Variants in PPARD observed in about 807,000 individuals in gnomAD.
PPARD encodes the protein peroxisome proliferator-activated receptor delta.
PPARD carries 6 observed loss-of-function variants against 39.5 expected under a neutral mutation model. The observed-to-expected ratio is 0.15, with a 90% CI of 0.08 to 0.30. The LOEUF (loss-of-function observed/expected upper bound fraction) is 0.30. PPARD is among the 10% of genes least tolerant of loss of function. The probability of loss-of-function intolerance (pLI) is 1.00; values close to 1 mark genes in which losing one functional copy is unlikely to be tolerated. For synonymous variants in PPARD, 210 were observed against 231.3 expected, an observed-to-expected ratio of 0.91 and a Z score of 0.83; for missense variants, 397 against 596.8, an observed-to-expected ratio of 0.67 and a Z score of 3.49.
In PPARD at chr6:35,366,836, C is replaced by T. The variant is rs1418283671; in HGVS notation, c.-102+19686C>T. Among the ~76,000 whole-genome samples, 4 of 152,188 alleles carry T rather than the reference C, an allele frequency of 2.6e-5. No homozygotes were observed. Among genetic ancestry groups the T allele is most frequent in the African/African-American group, 7.2e-5 (3 of 41,434 alleles). ...AAGTGCTGGGATTATGGGCGTGAGCCGCTGCATCCGGCCTCTGTATTAAAT... is the reference window on the plus strand; with the variant it reads ...AAGTGCTGGGATTATGGGCGTGAGCTGCTGCATCCGGCCTCTGTATTAAAT... On this transcript the variant is annotated intron_variant, in intron 2 of 7. Transcript: ENST00000360694. The surrounding 1 kb of genome is among the most constrained non-coding windows in gnomAD (Gnocchi z 4.6).
intron 2 of PPARD, among the ~76,000 whole-genome samples, chr6:35,354,662 A>G (rs1390579629): frequency 1.3e-5 from 2 of 152,166 alleles, no homozygotes. Flanking sequence ...GATATTCAAA[A>G]TTGTAACATA....
In PPARD at chr6:35,366,693, G is replaced by GCGT. The variant is rs1353813897; in HGVS notation, c.-102+19544_-102+19546dup. 3.3e-5 allele frequency among the ~76,000 whole-genome samples: 5 copies of GCGT among 152,062 alleles called. No individual in the cohort carries two copies. The highest frequency in any genetic ancestry group is 5.9e-5 in the Non-Finnish European group (4 of 68,020). ...GCCTCCTTAGTGGCTGTGACTACAGGCGTGTACCACCATGCCTGGCTAATT... is the reference window on the plus strand; with the variant it reads ...GCCTCCTTAGTGGCTGTGACTACAGGCGTCGTGTACCACCATGCCTGGCTAATT... On this transcript the variant is annotated intron_variant, in intron 2 of 7. Coordinates refer to ENST00000360694, the MANE Select transcript of PPARD (RefSeq NM_006238.5). The surrounding 1 kb of genome is among the most constrained non-coding windows in gnomAD (Gnocchi z 4.6).
intron 2 of PPARD, among the ~76,000 whole-genome samples, chr6:35,410,163 G>T (rs1313005458): frequency 6.6e-6 from 1 of 152,244 alleles, no homozygotes; most frequent in African/African-American, 2.4e-5. Context: ...GGGTCCCACA[G>T]ATGCTTAACA....
intron 2 of PPARD, among the ~76,000 whole-genome samples, chr6:35,375,116 G>T (rs1252114336): frequency 6.7e-6 from 1 of 149,594 alleles, no homozygotes; most frequent in African/African-American, 2.5e-5. Context: ...AGTAATTTAT[G>T]TACATTTTTG....
In PPARD at chr6:35,421,854, A is replaced by G. The variant is rs1443518714; in HGVS notation, c.320A>G (p.Glu107Gly). ...CGTCGTACGATCCGCATGAAGCTGG[A>G]GTACGAGAAGTGTGAGCGCAGCTGC... ...FFRRTIRMKL[E>G]YEKCERSCKI... The change falls in exon 5 of 8, where the codon GAG becomes GGG. Residue 107 changes from glutamate to glycine, a missense_variant. By Grantham distance (98) the Glu-to-Gly change is moderately conservative. Transcript: ENST00000360694. 1 of 1,613,854 alleles carries G rather than the reference A, an allele frequency of 6.2e-7. No homozygotes were observed. Among genetic ancestry groups the G allele is most frequent in the Non-Finnish European group, 8.5e-7 (1 of 1,179,860 alleles).
chr6:35,348,925 C>T (rs1003613937), intron 2 of PPARD: 11 of 985,460 alleles, frequency 1.1e-5, no homozygotes, highest in Non-Finnish European at 1.3e-5. Context: ...AGCAGCCAGG[C>T]CCAGTGGCAG....
intron 2 of PPARD, among the ~76,000 whole-genome samples, chr6:35,394,946 G>C (rs765474674): frequency 5.3e-5 from 8 of 152,166 alleles, no homozygotes; most frequent in Non-Finnish European, 8.8e-5. Context: ...CCATCTCACA[G>C]ATAGAAAGCC....
intron 2 of PPARD, among the ~76,000 whole-genome samples, chr6:35,385,722 TTGAC>T (rs1219285505): frequency 6.6e-6 from 1 of 151,000 alleles, no homozygotes. Context: ...ATGAAGATAA[TTGAC>T]TGTGTTTTGA....
At chr6:35,379,834 C>T (rs1376499616) in intron 2 of PPARD, among the ~76,000 whole-genome samples, 2 of 152,252 alleles carry the variant, frequency 1.3e-5, no homozygotes, top group Non-Finnish European at 2.9e-5. Flanking sequence ...AATGTGCTCT[C>T]TCTTGGTCTT....
At chr6:35,389,667 G>A (rs1165220674) in intron 2 of PPARD, among the ~76,000 whole-genome samples, 1 of 152,130 alleles carries the variant, frequency 6.6e-6, no homozygotes, top group Non-Finnish European at 1.5e-5. Flanking sequence ...GGCTTATTAT[G>A]TTTAAGATTA....
In PPARD at chr6:35,426,400, C is replaced by G. The variant is rs201362501; in HGVS notation, c.*321C>G. 1 of 413,604 alleles carries G rather than the reference C, an allele frequency of 2.4e-6. No individual in the cohort carries two copies. The highest frequency in any genetic ancestry group is 4.4e-6 in the Non-Finnish European group (1 of 226,286). The allele number at this position is 413,604 out of a possible 1,614,324, so 25.6% of individuals were successfully genotyped here. On this transcript the variant is annotated 3_prime_UTR_variant, in exon 8 of 8. Transcript: ENST00000360694. ...TGCCCTCCCTTTCTCTCTCCACCCC[C>G]CACGTCTGTCCTCCTTTCTTATTCT... is the stretch of plus-strand genomic sequence containing the variant.
chr6:35,410,439 G>A (rs1024213551), intron 2 of PPARD, among the ~76,000 whole-genome samples: 2 of 152,182 alleles, frequency 1.3e-5, no homozygotes, highest in Admixed American at 1.3e-4. Flanking sequence ...TGAGGCCATG[G>A]TTGCAGATCT....
Position 35,342,684 on chromosome 6 carries a change from C to T in PPARD, c.-186+3C>T. 1 of 152,828 alleles carries T rather than the reference C, an allele frequency of 6.5e-6. No homozygotes were observed. Among genetic ancestry groups the T allele is most frequent in the East Asian group, 1.9e-4 (1 of 5,192 alleles). The allele number at this position is 152,828 out of a possible 1,614,324, so 9.5% of individuals were successfully genotyped here. On this transcript the variant is annotated splice_donor_region_variant and intron_variant, in intron 1 of 7. Coordinates refer to ENST00000360694, the MANE Select transcript of PPARD (RefSeq NM_006238.5). ...GGCGCCGTAGGCAGCCGGGACAGGT[C>T]AGTCCGAGACGAGAGAAGCGGTCAG...
intron 2 of PPARD, among the ~76,000 whole-genome samples, chr6:35,394,629 G>A (rs901170579): frequency 3.3e-5 from 5 of 151,666 alleles, no homozygotes; most frequent in African/African-American, 1.2e-4. Flanking sequence ...AAATTATCTG[G>A]GTGTGGTGGT....
rs746774640 is a variant in PPARD at position 35,424,075 on chromosome 6, C to A, written c.554C>A (p.Ala185Asp). 3.7e-6 allele frequency: 6 copies of A among 1,614,136 alleles called. No individual in the cohort carries two copies. Among genetic ancestry groups the A allele is most frequent in the Non-Finnish European group, 3.4e-6 (4 of 1,180,038 alleles). The part of the protein sequence containing the change: ...LKAFSKHIYN[A>D]YLKNFNMTKK... Reference sequence around the variant, plus strand: ...GCCTTCTCCAAGCACATCTACAATGCCTACCTGAAAAACTTCAACATGACC... The same window carrying A: ...GCCTTCTCCAAGCACATCTACAATGACTACCTGAAAAACTTCAACATGACC... Residue 185 changes from alanine (A) to aspartate (D), a missense_variant, in exon 6 of 8, where the codon GCC becomes GAC. Coordinates refer to ENST00000360694, the MANE Select transcript of PPARD (RefSeq NM_006238.5). The surrounding 1 kb of genome is among the most constrained non-coding windows in gnomAD (Gnocchi z 7.1).
At chr6:35,387,668 T>C (rs9470011) in intron 2 of PPARD, among the ~76,000 whole-genome samples, 7,268 of 150,512 alleles carry the variant, frequency 0.048, 602 homozygotes, top group African/African-American at 0.17. Context: ...TTTGATTGAG[T>C]GTATCTTGGG....
chr6:35,387,923 T>C (rs1391337202), intron 2 of PPARD, among the ~76,000 whole-genome samples: 7 of 151,778 alleles, frequency 4.6e-5, no homozygotes, highest in Non-Finnish European at 7.4e-5. Flanking sequence ...GGTTTCACCA[T>C]GTTGGCCAGG....
chr6:35,365,054 C>T (rs1762129065), intron 2 of PPARD, among the ~76,000 whole-genome samples: 1 of 151,618 alleles, frequency 6.6e-6, no homozygotes, highest in Non-Finnish European at 1.5e-5. Flanking sequence ...GTCTGCTATA[C>T]TCACTGGTCT....
In PPARD at chr6:35,425,748, C is replaced by A; in HGVS notation, c.1079-84C>A. The A allele has an allele frequency of 4.5e-6, 7 of 1,563,436 alleles. No individual in the cohort carries two copies. The South Asian group carries it at 8.4e-5, about 19-fold the overall frequency. On this transcript the variant is annotated intron_variant, in intron 7 of 7. Transcript: ENST00000360694. The surrounding 1 kb of genome is among the most constrained non-coding windows in gnomAD (Gnocchi z 4.5). ...TCACGGCCAAGGAGGCCTGCCGTCCCCTGGGCCAAGTCACCTCTTGGGGTG... is the reference window on the plus strand; with the variant it reads ...TCACGGCCAAGGAGGCCTGCCGTCCACTGGGCCAAGTCACCTCTTGGGGTG...
Sources: allele counts gnomAD v4.1 joint callset (sites outside exome capture counted in the v4.1 genomes callset), GRCh38; gene constraint gnomAD v4.1.1; non-coding constraint Gnocchi (gnomAD v3.1); transcripts MANE v1.5; gene names NCBI Gene and HGNC (gene_info 2026-07-23, HGNC 2026-07-21).